Variants in CADPS2 observed in about 807,000 individuals in gnomAD.
CADPS2 encodes the protein calcium dependent secretion activator 2.
Under a neutral mutation model 172.5 loss-of-function variants are expected in CADPS2, and 93 were observed. The observed-to-expected ratio is 0.54, with a 90% confidence interval of 0.46 to 0.64. The LOEUF is 0.64. Among genes scored for constraint, CADPS2 ranks in the 30% least tolerant of loss-of-function variants. CADPS2 has a pLI of 0.00. For synonymous variants in CADPS2, 546 were observed against 555.2 expected (o/e 0.98, Z 0.23); for missense variants, 1,420 against 1,565.9 (o/e 0.91, Z 1.57).
chr7:122,863,373 G>T (rs1817469600), intron 1 of CADPS2, among the ~76,000 whole-genome samples: 1 of 152,100 alleles, frequency 6.6e-6, no homozygotes, highest in Non-Finnish European at 1.5e-5. Context: ...ATGTGATGTA[G>T]GATGAAGAAC....
intron 1 of CADPS2, among the ~76,000 whole-genome samples, chr7:122,814,958 T>C (rs1274981267): frequency 2.0e-5 from 3 of 152,116 alleles, no homozygotes; most frequent in African/African-American, 4.8e-5. Flanking sequence ...TAACAAGCTG[T>C]GTGGAATTAT....
intron 8 of CADPS2, among the ~76,000 whole-genome samples, chr7:122,538,125 A>G (rs1385484194): frequency 2.2e-5 from 3 of 133,544 alleles, no homozygotes; most frequent in African/African-American, 8.6e-5. Context: ...TGACTGAAAA[A>G]TCCCACTTAT....
chr7:122,374,528 T>C (rs921354416), intron 25 of CADPS2, among the ~76,000 whole-genome samples: 11 of 152,158 alleles, frequency 7.2e-5, no homozygotes, highest in African/African-American at 1.7e-4. Context: ...ATGATCTTAA[T>C]ATGTAGAAAA....
At chr7:122,432,829 C>T (rs897845623) in intron 17 of CADPS2, among the ~76,000 whole-genome samples, 2 of 151,682 alleles carry the variant, frequency 1.3e-5, no homozygotes, top group African/African-American at 4.8e-5. Flanking sequence ...ATTATCAAGC[C>T]ATCTGAGTTC....
rs547871800 is a variant in CADPS2 at position 122,806,288 on chromosome 7, A to G, written c.340-69220T>C. Among the ~76,000 whole-genome samples, 5 of 152,354 alleles carry G rather than the reference A, an allele frequency of 3.3e-5. No homozygotes were observed. The East Asian group carries it at 9.6e-4, about 29-fold the overall frequency. On this transcript the variant is annotated intron_variant, in intron 1 of 29. Coordinates refer to ENST00000449022, the MANE Select transcript of CADPS2 (RefSeq NM_017954.11). Reference sequence around the variant, plus strand: ...TCAGTATTGTGATGATCTCAGTTCTACAATGAAATAAAAGTGTTTAGAACT... The same window carrying G: ...TCAGTATTGTGATGATCTCAGTTCTGCAATGAAATAAAAGTGTTTAGAACT...
chr7:122,323,873 T>TTTTATA (rs1390141913), intron 29 of CADPS2, among the ~76,000 whole-genome samples: 35 of 112,516 alleles, frequency 3.1e-4, no homozygotes, highest in East Asian at 1.5e-3. Context: ...TATGTATATT[T>TTTTATA]TATATATATA....
At chr7:122,402,928 T>C (rs2046146735) in intron 20 of CADPS2, among the ~76,000 whole-genome samples, 1 of 152,206 alleles carries the variant, frequency 6.6e-6, no homozygotes, top group Non-Finnish European at 1.5e-5. Flanking sequence ...TCTAATTGGG[T>C]CAACATGGTA....
chr7:122,760,802 G>A (rs900236089), intron 1 of CADPS2, among the ~76,000 whole-genome samples: 1 of 137,996 alleles, frequency 7.2e-6, no homozygotes, highest in East Asian at 2.2e-4. Context: ...TCACACACTG[G>A]GGCCTGTTGT....
intron 1 of CADPS2, among the ~76,000 whole-genome samples, chr7:122,878,421 G>A (rs564196220): frequency 6.6e-6 from 1 of 151,946 alleles, no homozygotes; most frequent in African/African-American, 2.4e-5. Context: ...GGGAGGCCGA[G>A]GTGGGCGGAT....
chr7:122,855,979 T>A (rs144010977), intron 1 of CADPS2, among the ~76,000 whole-genome samples: 5 of 152,270 alleles, frequency 3.3e-5, no homozygotes, highest in African/African-American at 1.2e-4. Context: ...GAAGTTGAGG[T>A]GGGGAGGGGT....
intron 1 of CADPS2, among the ~76,000 whole-genome samples, chr7:122,759,895 A>G (rs1209085033): frequency 6.6e-6 from 1 of 152,126 alleles, no homozygotes; most frequent in Non-Finnish European, 1.5e-5. Flanking sequence ...AAGTGAGCGT[A>G]TAAAATAGAA....
chr7:122,885,636 T>G (rs1417438873), intron 1 of CADPS2, among the ~76,000 whole-genome samples: 1 of 152,098 alleles, frequency 6.6e-6, no homozygotes, highest in Admixed American at 6.5e-5. Flanking sequence ...CCAGGCTAGG[T>G]GGACAGGAAT....
chr7:122,496,256 G>T (rs1190416941), intron 9 of CADPS2, among the ~76,000 whole-genome samples: 1 of 152,062 alleles, frequency 6.6e-6, no homozygotes, highest in Non-Finnish European at 1.5e-5. Context: ...CCACCTCCTG[G>T]GTTCAGTCAA....
intron 16 of CADPS2, among the ~76,000 whole-genome samples, chr7:122,441,074 A>G (rs1286388921): frequency 2.0e-5 from 3 of 152,204 alleles, no homozygotes; most frequent in African/African-American, 7.2e-5. Context: ...TCTGAGATGA[A>G]TATTGAATGA....
In CADPS2 at chr7:122,541,341, C is replaced by T. The variant is rs540093427; in HGVS notation, c.1475+13209G>A. Among the ~76,000 whole-genome samples, 26 of 146,464 alleles carry T rather than the reference C, an allele frequency of 1.8e-4. No homozygotes were observed. The South Asian group carries it at 5.2e-3, about 29-fold the overall frequency. ...CCTCCCGAGTAGCTAGGATTACAGGCGCCCACCACCACACCCAGCTATTTT... is the reference window on the plus strand; with the variant it reads ...CCTCCCGAGTAGCTAGGATTACAGGTGCCCACCACCACACCCAGCTATTTT... On this transcript the variant is annotated intron_variant, in intron 8 of 29. Coordinates refer to ENST00000449022, the MANE Select transcript of CADPS2 (RefSeq NM_017954.11).
chr7:122,762,824 G>A (rs959856694), intron 1 of CADPS2, among the ~76,000 whole-genome samples: 1 of 152,066 alleles, frequency 6.6e-6, no homozygotes, highest in South Asian at 2.1e-4. Flanking sequence ...GTGTCATCCT[G>A]ATACACTTCA....
chr7:122,430,024 G>A (rs890701275), intron 17 of CADPS2, among the ~76,000 whole-genome samples: 3 of 151,884 alleles, frequency 2.0e-5, no homozygotes, highest in Non-Finnish European at 4.4e-5. Context: ...AATGATATAA[G>A]GACTGCCACA....
intron 1 of CADPS2, among the ~76,000 whole-genome samples, chr7:122,815,626 A>G (rs930221700): frequency 6.7e-6 from 1 of 149,958 alleles, no homozygotes; most frequent in African/African-American, 2.4e-5. Flanking sequence ...TACAAAAAAA[A>G]TTCAAAATAT....
intron 25 of CADPS2, chr7:122,366,646 CATATAT>C (rs527425585): frequency 1.7e-4 from 24 of 140,428 alleles, no homozygotes; most frequent in African/African-American, 6.6e-4. Context: ...CACACACACA[CATATAT>C]ATACATACAC....
Sources: gnomAD v4.1 joint callset for allele counts (sites outside exome capture counted in the v4.1 genomes callset) on GRCh38, gnomAD v4.1.1 for gene constraint, MANE v1.5 for transcripts, NCBI Gene and HGNC (gene_info 2026-07-23, HGNC 2026-07-21) for gene names.